GRM7: variants seen among roughly 807,000 people sequenced by gnomAD.
The protein encoded by GRM7 is glutamate metabotropic receptor 7, also known as metabotropic glutamate receptor 7.
GRM7 carries 35 observed loss-of-function variants against 84.5 expected under a neutral mutation model. The observed-to-expected ratio is 0.41, with a 90% confidence interval of 0.32 to 0.55. The LOEUF is 0.55. GRM7 is among the 20% of genes least tolerant of loss of function. The pLI is 0.19. For missense variants in GRM7, 1,003 were observed against 1,194.6 expected (o/e 0.84, Z 2.36); for synonymous variants, 487 against 455.1 (o/e 1.07, Z -0.89).
chr3:7,326,381 C>T (rs1180942573), intron 4 of GRM7, among the ~76,000 whole-genome samples: 1 of 152,004 alleles, frequency 6.6e-6, no homozygotes, highest in Admixed American at 6.6e-5. Flanking sequence ...GATGGTGATG[C>T]ATTACATAGC....
Position 7,128,352 on chromosome 3 carries a change from C to A in GRM7, c.520-18100C>A, listed in dbSNP as rs75043900. ...TGACTCAAGTTTGACTGCTGAAAAC[C>A]AGACACCTAATACCCTTAATTCATT... is the stretch of plus-strand genomic sequence containing the variant. On this transcript the variant is annotated intron_variant, in intron 1 of 9. Coordinates refer to ENST00000357716, the MANE Select transcript of GRM7 (RefSeq NM_000844.4). Among the ~76,000 whole-genome samples, 864 of 151,832 alleles carry A rather than the reference C, an allele frequency of 5.7e-3. 6 individuals are homozygous for A. Among genetic ancestry groups the A allele is most frequent in the Middle Eastern group, 0.031 (9 of 294 alleles).
At chr3:6,906,724 C>T (rs1487304370) in intron 1 of GRM7, among the ~76,000 whole-genome samples, 1 of 152,038 alleles carries the variant, frequency 6.6e-6, no homozygotes, top group East Asian at 1.9e-4. Context: ...TACAGTGTGT[C>T]TCATTTATAC....
intron 4 of GRM7, among the ~76,000 whole-genome samples, chr3:7,387,287 G>A (rs1354135751): frequency 6.6e-6 from 1 of 152,092 alleles, no homozygotes; most frequent in African/African-American, 2.4e-5. Context: ...AAGCTCTTTA[G>A]TTTAATTAAG....
At chr3:7,284,803 C>T (rs1699372633) in intron 2 of GRM7, among the ~76,000 whole-genome samples, 1 of 151,796 alleles carries the variant, frequency 6.6e-6, no homozygotes, top group South Asian at 2.1e-4. Context: ...TTTTATATCA[C>T]CTCCCCCCTC....
At chr3:7,712,637 T>C (rs1370687223) in intron 9 of GRM7, among the ~76,000 whole-genome samples, 1 of 136,268 alleles carries the variant, frequency 7.3e-6, no homozygotes, top group African/African-American at 2.7e-5. Context: ...TTTTCTTTGT[T>C]CTTTTTTTTG....
intron 1 of GRM7, among the ~76,000 whole-genome samples, chr3:7,110,953 G>A (rs9876724): frequency 0.53 from 80,161 of 151,920 alleles, 24,209 homozygotes; most frequent in African/African-American, 0.84. Flanking sequence ...TTGAAGTACA[G>A]GTTGTGAGCC....
chr3:7,244,253 T>C (rs1057346406), intron 2 of GRM7, among the ~76,000 whole-genome samples: 1 of 152,126 alleles, frequency 6.6e-6, no homozygotes, highest in Middle Eastern at 3.2e-3. Flanking sequence ...CACAGACATA[T>C]TGTACAGCTA....
chr3:7,614,037 G>C (rs1696966465), intron 8 of GRM7, among the ~76,000 whole-genome samples: 3 of 152,174 alleles, frequency 2.0e-5, no homozygotes, highest in African/African-American at 7.2e-5. Context: ...GCCAAGGCGA[G>C]CTGATCATCT....
intron 1 of GRM7, among the ~76,000 whole-genome samples, chr3:6,891,878 C>T (rs974264744): frequency 2.0e-5 from 3 of 152,170 alleles, no homozygotes; most frequent in Non-Finnish European, 4.4e-5. Flanking sequence ...GCCAATCAGA[C>T]ATAGATTTGG....
chr3:7,407,161 A>G (rs560176558), intron 4 of GRM7, among the ~76,000 whole-genome samples: 5 of 152,268 alleles, frequency 3.3e-5, no homozygotes, highest in African/African-American at 1.2e-4. Context: ...GCAGGGGTTC[A>G]AGTTGGCATT....
chr3:7,238,412 G>A (rs7622181), intron 2 of GRM7, among the ~76,000 whole-genome samples: 12,241 of 152,080 alleles, frequency 0.08, 1,661 homozygotes, highest in African/African-American at 0.28. Flanking sequence ...TTCTCTGTTC[G>A]AAATTGAGCC....
In GRM7 at chr3:7,201,570, T is replaced by C. The variant is rs375900340; in HGVS notation, c.736+54902T>C. ...AAACGCTGATAGTAATGGCCATTGC[T>C]ATACTGTCTTGAAGGTTTGCTATGT... On this transcript the variant is annotated intron_variant, in intron 2 of 9. Transcript: ENST00000357716. Among the ~76,000 whole-genome samples, 272 of 152,314 alleles carry C rather than the reference T, an allele frequency of 1.8e-3. 3 individuals are homozygous for C. Among genetic ancestry groups the C allele is most frequent in the Middle Eastern group, 0.014 (4 of 294 alleles).
chr3:7,541,580 G>A (rs979192653), intron 7 of GRM7, among the ~76,000 whole-genome samples: 2 of 152,098 alleles, frequency 1.3e-5, no homozygotes, highest in Non-Finnish European at 2.9e-5. Context: ...TAGTTTACAT[G>A]TGTTTTCCAC....
intron 4 of GRM7, among the ~76,000 whole-genome samples, chr3:7,309,477 A>ATACT (rs1326689566): frequency 6.6e-6 from 1 of 152,108 alleles, no homozygotes; most frequent in Non-Finnish European, 1.5e-5. Flanking sequence ...AATATTCATG[A>ATACT]TACTGCTCCA....
At chr3:6,968,193 T>G (rs1016351416) in intron 1 of GRM7, among the ~76,000 whole-genome samples, 10 of 152,204 alleles carry the variant, frequency 6.6e-5, no homozygotes, top group Non-Finnish European at 1.3e-4. Flanking sequence ...ATCTCTTAGC[T>G]TGTGATAGTC....
Position 7,592,730 on chromosome 3 carries a change from A to G in GRM7, c.2451+13373A>G, listed in dbSNP as rs143874453. On this transcript the variant is annotated intron_variant, in intron 8 of 9. Transcript: ENST00000357716. Reference sequence around the variant, plus strand: ...AAGATTACACATTTTTATTTGCAGTATTAATATCATCTTCCTCTAGCTTCA... The same window carrying G: ...AAGATTACACATTTTTATTTGCAGTGTTAATATCATCTTCCTCTAGCTTCA... Among the ~76,000 whole-genome samples the G allele has an allele frequency of 1.1e-3, 166 of 152,336 alleles. 1 individual carries two copies. Among genetic ancestry groups the G allele is most frequent in the Admixed American group, 3.6e-3 (55 of 15,292 alleles).
intron 2 of GRM7, among the ~76,000 whole-genome samples, chr3:7,278,640 G>A (rs1575113533): frequency 6.6e-6 from 1 of 151,992 alleles, no homozygotes; most frequent in Non-Finnish European, 1.5e-5. Context: ...TTGTGTTAAG[G>A]CAATAATCAT....
chr3:7,469,236 A>G (rs1420126993), intron 7 of GRM7, among the ~76,000 whole-genome samples: 1 of 152,230 alleles, frequency 6.6e-6, no homozygotes, highest in Non-Finnish European at 1.5e-5. Flanking sequence ...TAGCAATTCT[A>G]CATGATTCAG....
At chr3:7,142,136 A>G (rs562730960) in intron 1 of GRM7, among the ~76,000 whole-genome samples, 102 of 152,222 alleles carry the variant, frequency 6.7e-4, no homozygotes, top group African/African-American at 2.3e-3. Context: ...GTTAGGTCAA[A>G]TATTCATACA....
Sources: gnomAD v4.1 joint callset for allele counts (sites outside exome capture counted in the v4.1 genomes callset) on GRCh38, gnomAD v4.1.1 for gene constraint, MANE v1.5 for transcripts, NCBI Gene and HGNC (gene_info 2026-07-23, HGNC 2026-07-21) for gene names.